DACH2: variants seen among roughly 807,000 people sequenced by gnomAD.
DACH2 encodes dachshund homolog 2.
DACH2 carries 17 observed loss-of-function variants against 35.8 expected under a neutral mutation model. The ratio of observed to expected loss-of-function variants is 0.48; its 90% CI spans 0.33 to 0.71. DACH2 has a LOEUF of 0.71. Among genes scored for constraint, DACH2 ranks in the 30% least tolerant of loss-of-function variants. The pLI, the probability that DACH2 is intolerant of heterozygous loss-of-function variation, is 0.02. For missense variants in DACH2, 469 were observed against 472.7 expected (o/e 0.99, Z 0.07); for synonymous variants, 195 against 177.3 (o/e 1.10, Z -0.79).
chrX:86,217,095 T>TAAAAAAA (rs11323790), intron 1 of DACH2, among the ~76,000 whole-genome samples: 1 of 88,610 alleles, frequency 1.1e-5, no homozygotes, highest in Admixed American at 1.3e-4. Context: ...ATCTCAAAAA[T>TAAAAAAA]AAAAAAAAAA....
intron 4 of DACH2, among the ~76,000 whole-genome samples, chrX:86,655,201 A>C (rs2040525678): frequency 8.9e-6 from 1 of 111,947 alleles, no homozygotes; most frequent in Admixed American, 9.5e-5. Flanking sequence ...TCATGGTTCA[A>C]GTAGGACTGG....
intron 11 of DACH2, chrX:86,827,840 G>C: frequency 9.0e-7 from 1 of 1,109,438 alleles, no homozygotes; most frequent in Non-Finnish European, 1.2e-6. Flanking sequence ...TGCTTATCTA[G>C]TGTTGTAAAT....
intron 3 of DACH2, among the ~76,000 whole-genome samples, chrX:86,581,431 A>G (rs867646419): frequency 9.2e-6 from 1 of 108,669 alleles, no homozygotes; most frequent in Admixed American, 9.7e-5. Context: ...AGAGTGGCAA[A>G]GTGGGAGAAA....
intron 3 of DACH2, among the ~76,000 whole-genome samples, chrX:86,589,428 T>G (rs1290829559): frequency 9.0e-6 from 1 of 111,485 alleles, no homozygotes; most frequent in Non-Finnish European, 1.9e-5. Context: ...TTTATAGAAA[T>G]GGAATGGAAT....
At chrX:86,753,482 G>A (rs2041796446) in intron 7 of DACH2, among the ~76,000 whole-genome samples, 1 of 111,763 alleles carries the variant, frequency 8.9e-6, no homozygotes, top group South Asian at 3.6e-4. Flanking sequence ...ACCTGATCTT[G>A]TTATTGTATT....
intron 7 of DACH2, among the ~76,000 whole-genome samples, chrX:86,746,823 T>G (rs1339349319): frequency 9.0e-6 from 1 of 111,468 alleles, no homozygotes; most frequent in African/African-American, 3.3e-5. Context: ...TGGTGTTGTA[T>G]CTAAGAATGC....
intron 1 of DACH2, among the ~76,000 whole-genome samples, chrX:86,225,437 A>G (rs1288181708): frequency 2.7e-5 from 3 of 111,480 alleles, no homozygotes; most frequent in Non-Finnish European, 3.8e-5. Flanking sequence ...TTTAGAATTT[A>G]CCAAAGAGAT....
At position 86,219,166 on chromosome X, in the gene DACH2, T is replaced by A. The variant is rs73514016; in HGVS notation, c.488+70058T>A. Among the ~76,000 whole-genome samples, 627 of 112,260 alleles carry A rather than the reference T, an allele frequency of 5.6e-3. 4 individuals are homozygous for A. The highest frequency in any genetic ancestry group is 0.02 in the African/African-American group (612 of 30,963). ...GTTAGGTCTGTATTTATGTATTACC[T>A]TTAAGTGCGAACACTTCATAGAAAA... is the stretch of plus-strand genomic sequence containing the variant. On this transcript the variant is annotated intron_variant, in intron 1 of 11. Coordinates refer to ENST00000373125, the MANE Select transcript of DACH2 (RefSeq NM_053281.3).
chrX:86,430,416 A>G (rs1388840464), intron 2 of DACH2, among the ~76,000 whole-genome samples: 4 of 112,633 alleles, frequency 3.6e-5, no homozygotes, highest in Admixed American at 9.4e-5. Flanking sequence ...ATGGGGTTAA[A>G]CTATTAAAAT....
intron 1 of DACH2, among the ~76,000 whole-genome samples, chrX:86,215,921 A>G (rs938654507): frequency 3.6e-5 from 4 of 112,516 alleles, no homozygotes; most frequent in African/African-American, 1.3e-4. Flanking sequence ...AGCGGTTCTC[A>G]GATATGACTA....
intron 1 of DACH2, among the ~76,000 whole-genome samples, chrX:86,248,478 C>T (rs373599308): frequency 2.2e-4 from 24 of 110,758 alleles, no homozygotes; most frequent in African/African-American, 6.2e-4. Flanking sequence ...CCTAGGAATA[C>T]GCAAATGAGG....
chrX:86,417,030 G>T (rs1300970370), intron 2 of DACH2, among the ~76,000 whole-genome samples: 1 of 90,318 alleles, frequency 1.1e-5, no homozygotes, highest in Non-Finnish European at 2.1e-5. Context: ...GGAGGTGGAG[G>T]TTGCAGTGAG....
At chrX:86,336,602 T>A (rs903320799) in intron 1 of DACH2, among the ~76,000 whole-genome samples, 2 of 111,482 alleles carry the variant, frequency 1.8e-5, no homozygotes, top group African/African-American at 3.3e-5. Context: ...TGTAGATAAA[T>A]CCATGAAGAT....
intron 5 of DACH2, among the ~76,000 whole-genome samples, chrX:86,703,603 A>G (rs2041171519): frequency 8.9e-6 from 1 of 111,925 alleles, no homozygotes; most frequent in African/African-American, 3.2e-5. Flanking sequence ...ATACAAAAAA[A>G]TTGTAGCATT....
intron 2 of DACH2, among the ~76,000 whole-genome samples, chrX:86,445,464 TAACCTGC>T (rs2037248346): frequency 1.1e-5 from 1 of 87,724 alleles, no homozygotes; most frequent in Non-Finnish European, 2.2e-5. Flanking sequence ...CATATGTAAC[TAACCTGC>T]ACAATGTGCA....
chrX:86,547,649 T>G (rs962941384), intron 3 of DACH2, among the ~76,000 whole-genome samples: 6 of 111,429 alleles, frequency 5.4e-5, no homozygotes, highest in African/African-American at 1.6e-4. Context: ...TGTTTTCTTT[T>G]GTTCATTTGT....
intron 6 of DACH2, among the ~76,000 whole-genome samples, chrX:86,718,880 G>A (rs1250916821): frequency 8.9e-6 from 1 of 111,777 alleles, no homozygotes; most frequent in East Asian, 2.8e-4. Flanking sequence ...GGTTACTGTA[G>A]CCTTACAGTA....
intron 1 of DACH2, among the ~76,000 whole-genome samples, chrX:86,266,931 AAT>A (rs1159200688): frequency 8.9e-6 from 1 of 112,016 alleles, no homozygotes; most frequent in East Asian, 2.8e-4. Context: ...ATGGATAAAA[AAT>A]AATTCAGATG....
intron 2 of DACH2, among the ~76,000 whole-genome samples, chrX:86,507,463 CAAAAAAAAA>C (rs34617943): frequency 4.2e-5 from 2 of 47,643 alleles, no homozygotes; most frequent in Non-Finnish European, 7.6e-5. Flanking sequence ...AGTGACCTTT[CAAAAAAAAA>C]AAAAAAAAAA....
Sources: allele counts gnomAD v4.1 joint callset (sites outside exome capture counted in the v4.1 genomes callset), GRCh38; gene constraint gnomAD v4.1.1; transcripts MANE v1.5; gene names NCBI Gene and HGNC (gene_info 2026-07-23, HGNC 2026-07-21).